Variants in TENM3 observed in about 807,000 individuals in gnomAD.
TENM3 encodes the protein teneurin transmembrane protein 3.
In TENM3, 63 loss-of-function variants were observed where a neutral mutation model predicts 255.1. The ratio of observed to expected loss-of-function variants is 0.25; its 90% confidence interval spans 0.20 to 0.30. The LOEUF (loss-of-function observed/expected upper bound fraction) is 0.30, where lower values mean the gene tolerates loss of function less well. Ranked by LOEUF, TENM3 falls within the 10% of genes least tolerant of loss-of-function variation. The probability of loss-of-function intolerance (pLI) is 1.00; values close to 1 mark genes in which losing one functional copy is unlikely to be tolerated. For missense variants in TENM3, 2,929 were observed against 3,461.1 expected (o/e 0.85, Z 3.86); for synonymous variants, 1,306 against 1,322.3 (o/e 0.99, Z 0.27).
chr4:182,009,863 G>A, the TENM3 span, among the ~76,000 whole-genome samples: 1 of 152,338 alleles, frequency 6.6e-6, no homozygotes, highest in African/African-American at 2.4e-5. Flanking sequence ...CTTCCTATCC[G>A]TGGATTACAC....
chr4:182,729,515 T>G (rs1760507507), intron 14 of TENM3, among the ~76,000 whole-genome samples: 1 of 152,232 alleles, frequency 6.6e-6, no homozygotes, highest in African/African-American at 2.4e-5. Flanking sequence ...GTGCACTTTT[T>G]TTTTTTTAGC....
chr4:181,685,795 G>C, the TENM3 span, among the ~76,000 whole-genome samples: 19 of 151,808 alleles, frequency 1.3e-4, no homozygotes, highest in African/African-American at 4.6e-4. Flanking sequence ...AATAAGTCAA[G>C]TGGTTTCCCA....
the TENM3 span, among the ~76,000 whole-genome samples, chr4:181,464,905 G>C: frequency 0.69 from 105,078 of 152,026 alleles, 37,243 homozygotes; most frequent in African/African-American, 0.82. Context: ...GAGCCGAGAT[G>C]GTGCCATTGC....
intron 7 of TENM3, among the ~76,000 whole-genome samples, chr4:182,675,481 CAGTA>C (rs1160264707): frequency 1.3e-5 from 2 of 150,922 alleles, no homozygotes; most frequent in African/African-American, 4.9e-5. Flanking sequence ...GCAAAGATTG[CAGTA>C]AGTGAGAGAT....
chr4:181,602,770 C>T, the TENM3 span, among the ~76,000 whole-genome samples: 3 of 152,204 alleles, frequency 2.0e-5, no homozygotes, highest in Non-Finnish European at 4.4e-5. Context: ...ACTATAAGAG[C>T]TTTCTCTCAG....
the TENM3 span, among the ~76,000 whole-genome samples, chr4:181,626,490 G>T: frequency 0.022 from 3,290 of 152,286 alleles, 60 homozygotes; most frequent in Admixed American, 0.059. Flanking sequence ...CTTCTGATGA[G>T]GGTTCCAGGA....
At chr4:181,977,543 G>A in the TENM3 span, among the ~76,000 whole-genome samples, 1 of 152,116 alleles carries the variant, frequency 6.6e-6, no homozygotes, top group African/African-American at 2.4e-5. Flanking sequence ...CTGCATTAAG[G>A]ATGTTTTACT....
At chr4:181,596,462 T>C in the TENM3 span, among the ~76,000 whole-genome samples, 1 of 152,142 alleles carries the variant, frequency 6.6e-6, no homozygotes, top group Admixed American at 6.6e-5. Flanking sequence ...CAAGGAGAAG[T>C]TGAGTAGCCG....
the TENM3 span, among the ~76,000 whole-genome samples, chr4:181,485,701 A>G: frequency 6.6e-6 from 1 of 152,338 alleles, no homozygotes. Flanking sequence ...CAGTTAATTC[A>G]TTAATGCTGC....
intron 3 of TENM3, among the ~76,000 whole-genome samples, chr4:182,382,257 A>C (rs529711935): frequency 6.6e-6 from 1 of 152,294 alleles, no homozygotes; most frequent in African/African-American, 2.4e-5. Context: ...AAAGGGGCTA[A>C]TTCTCAAACT....
At chr4:182,663,745 T>C (rs1258063638) in intron 6 of TENM3, among the ~76,000 whole-genome samples, 2 of 152,236 alleles carry the variant, frequency 1.3e-5, no homozygotes, top group Non-Finnish European at 2.9e-5. Flanking sequence ...GTTAGTCATA[T>C]GTCAAAAATC....
chr4:182,449,223 G>GAGC (rs1561458558), intron 3 of TENM3: 20 of 15,404 alleles, frequency 1.3e-3, no homozygotes, highest in African/African-American at 4.6e-3. Context: ...GGCGGCGGCG[G>GAGC]CGGCGGCTCC....
the TENM3 span, among the ~76,000 whole-genome samples, chr4:181,483,764 T>A: frequency 1.6e-4 from 25 of 152,132 alleles, no homozygotes; most frequent in Admixed American, 9.2e-4. Flanking sequence ...ATGTGACTCA[T>A]CTTATTCTAA....
At chr4:181,863,416 G>C in the TENM3 span, among the ~76,000 whole-genome samples, 1 of 152,166 alleles carries the variant, frequency 6.6e-6, no homozygotes, top group African/African-American at 2.4e-5. Context: ...CGCTCCATTG[G>C]TTTGAGGACA....
At chr4:182,508,746 C>T (rs1301029995) in intron 3 of TENM3, among the ~76,000 whole-genome samples, 1 of 152,100 alleles carries the variant, frequency 6.6e-6, no homozygotes, top group Non-Finnish European at 1.5e-5. Context: ...TTCTTCTTTC[C>T]TTTGAATCAC....
the TENM3 span, among the ~76,000 whole-genome samples, chr4:181,796,195 C>T: frequency 6.6e-5 from 10 of 152,094 alleles, no homozygotes; most frequent in African/African-American, 1.4e-4. Flanking sequence ...CTTATTGTCA[C>T]CTATGTTCCT....
intron 4 of TENM3, among the ~76,000 whole-genome samples, chr4:182,623,042 G>A (rs981483411): frequency 3.5e-4 from 50 of 143,236 alleles, no homozygotes; most frequent in South Asian, 8.9e-4. Flanking sequence ...ACTGAGTCTC[G>A]CTCCATTGCC....
chr4:182,681,776 T>C (rs1166538884), intron 10 of TENM3, 38 bp from the exon 11 acceptor site: 1 of 1,496,300 alleles, frequency 6.7e-7, no homozygotes, highest in Admixed American at 1.9e-5. Flanking sequence ...CTATGATATC[T>C]TCTGGATTTA....
chr4:182,335,494 CAAAAA>C (rs372965020), intron 2 of TENM3, among the ~76,000 whole-genome samples: 2,482 of 52,466 alleles, frequency 0.047, 49 homozygotes, highest in South Asian at 0.19. Context: ...GACTCCGCCT[CAAAAA>C]AAAAAAAAAA....
Sources: gnomAD v4.1 joint callset for allele counts (sites outside exome capture counted in the v4.1 genomes callset) on GRCh38, gnomAD v4.1.1 for gene constraint, MANE v1.5 for transcripts, NCBI Gene and HGNC (gene_info 2026-07-23, HGNC 2026-07-21) for gene names.